The following DPYD variants were observed in gnomAD, a reference collection of about 807,000 sequenced individuals.
DPYD encodes the protein dihydropyrimidine dehydrogenase [NADP(+)].
A neutral mutation model predicts 116.2 loss-of-function variants in DPYD; 109 were observed. The observed-to-expected ratio is 0.94, with a 90% confidence interval of 0.80 to 1.10. The LOEUF is 1.10. Among genes scored for constraint, DPYD ranks in the 50% least tolerant of loss-of-function variants. DPYD has a pLI of 0.00. For missense variants in DPYD, 1,302 were observed against 1,254.5 expected, an observed-to-expected ratio of 1.04 and a Z score of -0.57; for synonymous variants, 440 against 432.0, an observed-to-expected ratio of 1.02 and a Z score of -0.23.
intron 8 of DPYD, among the ~76,000 whole-genome samples, chr1:97,669,718 C>G (rs1180445133): frequency 2.0e-5 from 3 of 152,098 alleles, no homozygotes; most frequent in Non-Finnish European, 4.4e-5. Flanking sequence ...CTGGAATAAA[C>G]AGGAAATAAG....
rs147376213 is a variant in DPYD at position 97,590,139 on chromosome 1, T to C, written c.1128+3079A>G. Among the ~76,000 whole-genome samples, 100 of 152,286 alleles carry C rather than the reference T, an allele frequency of 6.6e-4. 1 individual carries two copies. The East Asian group carries it at 0.017, about 26-fold the overall frequency. On this transcript the variant is annotated intron_variant, in intron 10 of 22. Coordinates refer to ENST00000370192, the MANE Select transcript of DPYD (RefSeq NM_000110.4). ...TTTTGATGTATACAAAACCAAGCAA[T>C]GGCCATAAAGGATTAACACTGAAAC...
At chr1:97,633,847 G>C (rs1035448196) in intron 8 of DPYD, among the ~76,000 whole-genome samples, 1 of 152,000 alleles carries the variant, frequency 6.6e-6, no homozygotes. Context: ...GGAATAGTCG[G>C]GTTATATTAG....
chr1:97,451,434 T>C (rs1676406884), intron 13 of DPYD, among the ~76,000 whole-genome samples: 1 of 152,202 alleles, frequency 6.6e-6, no homozygotes, highest in African/African-American at 2.4e-5. Context: ...ATTAGTATAT[T>C]ATAAAATAAA....
chr1:97,670,964 A>G (rs1165531267), intron 8 of DPYD, among the ~76,000 whole-genome samples: 1 of 152,152 alleles, frequency 6.6e-6, no homozygotes, highest in African/African-American at 2.4e-5. Context: ...GAAAAATATA[A>G]TAAAAATTCC....
intron 18 of DPYD, among the ~76,000 whole-genome samples, chr1:97,249,691 T>C (rs1432850231): frequency 1.3e-5 from 2 of 152,122 alleles, no homozygotes; most frequent in Non-Finnish European, 2.9e-5. Flanking sequence ...TTCACACACA[T>C]ATATTTTAAA....
At chr1:97,794,103 A>T (rs1667453476) in intron 3 of DPYD, among the ~76,000 whole-genome samples, 1 of 152,104 alleles carries the variant, frequency 6.6e-6, no homozygotes, top group African/African-American at 2.4e-5. Flanking sequence ...ATGCCCAGCT[A>T]ATTTTTGTAT....
chr1:97,639,725 G>T (rs1235958884), intron 8 of DPYD, among the ~76,000 whole-genome samples: 1 of 152,074 alleles, frequency 6.6e-6, no homozygotes, highest in Non-Finnish European at 1.5e-5. Flanking sequence ...CATATAATTG[G>T]TAGGTAAACA....
intron 14 of DPYD, among the ~76,000 whole-genome samples, chr1:97,388,673 T>C (rs1340367958): frequency 1.3e-5 from 2 of 152,040 alleles, no homozygotes; most frequent in Non-Finnish European, 2.9e-5. Flanking sequence ...CTAGAATGAA[T>C]TGAGTGAATA....
chr1:97,309,069 C>A (rs1405824209), intron 16 of DPYD, among the ~76,000 whole-genome samples: 1 of 151,710 alleles, frequency 6.6e-6, no homozygotes, highest in East Asian at 1.9e-4. Flanking sequence ...TAAACTATGT[C>A]TAGATTTAAG....
chr1:97,154,544 GC>G (rs71590218), intron 20 of DPYD, among the ~76,000 whole-genome samples: 21,343 of 151,930 alleles, frequency 0.14, 1,710 homozygotes, highest in East Asian at 0.29. Flanking sequence ...ATTACTGGAG[GC>G]CAGGGTTGAA....
chr1:97,867,049 TTTTTTTTAATGTCTGAGGACAAGGGG>T (rs1439797940), intron 2 of DPYD, among the ~76,000 whole-genome samples: 1 of 151,180 alleles, frequency 6.6e-6, no homozygotes, highest in African/African-American at 2.4e-5. Context: ...TACAGTTGCA[TTTTTTTTAATGTCTGAGGACAAGGGG>T]AGAGGCAGAG....
intron 1 of DPYD, among the ~76,000 whole-genome samples, chr1:97,907,200 A>G (rs761957212): frequency 6.6e-6 from 1 of 152,136 alleles, no homozygotes; most frequent in Non-Finnish European, 1.5e-5. Context: ...TTCACATTTA[A>G]TATTTTCAGA....
intron 13 of DPYD, among the ~76,000 whole-genome samples, chr1:97,480,810 G>T (rs753151972): frequency 6.6e-6 from 1 of 151,974 alleles, no homozygotes; most frequent in Non-Finnish European, 1.5e-5. Flanking sequence ...GTGAAACCCC[G>T]TCTCTACTAA....
intron 12 of DPYD, among the ~76,000 whole-genome samples, chr1:97,522,504 T>C (rs542120036): frequency 3.3e-5 from 5 of 152,106 alleles, no homozygotes; most frequent in South Asian, 4.2e-4. Flanking sequence ...GCGTGGATCA[T>C]GAGGTCAGTA....
intron 3 of DPYD, among the ~76,000 whole-genome samples, chr1:97,788,192 C>A (rs1045947610): frequency 6.6e-6 from 1 of 152,152 alleles, no homozygotes; most frequent in East Asian, 1.9e-4. Flanking sequence ...AGACTTGGGA[C>A]CTTCATTCCC....
intron 12 of DPYD, among the ~76,000 whole-genome samples, chr1:97,536,857 T>C (rs1262781962): frequency 2.0e-5 from 3 of 152,322 alleles, no homozygotes; most frequent in South Asian, 2.1e-4. Flanking sequence ...GCTTTCCCAT[T>C]AGCTTCCTGG....
At chr1:97,214,040 A>G (rs1310649522) in intron 19 of DPYD, among the ~76,000 whole-genome samples, 1 of 152,112 alleles carries the variant, frequency 6.6e-6, no homozygotes, top group Non-Finnish European at 1.5e-5. Context: ...TACTGAAAGC[A>G]TTTCAGAGCA....
chr1:97,427,174 T>C (rs533872268), intron 14 of DPYD, among the ~76,000 whole-genome samples: 124 of 152,218 alleles, frequency 8.1e-4, no homozygotes, highest in African/African-American at 2.9e-3. Context: ...CAAAGATTTA[T>C]CTTTTATTGT....
intron 20 of DPYD, among the ~76,000 whole-genome samples, chr1:97,162,427 C>T (rs1436306194): frequency 1.2e-4 from 18 of 152,014 alleles, no homozygotes; most frequent in African/African-American, 3.1e-4. Context: ...TTACAAGGGA[C>T]GTGAAGGACC....
Sources: allele counts gnomAD v4.1 joint callset (sites outside exome capture counted in the v4.1 genomes callset), GRCh38; gene constraint gnomAD v4.1.1; transcripts MANE v1.5; gene names NCBI Gene and HGNC (gene_info 2026-07-23, HGNC 2026-07-21).